Variants in DRP2 observed in about 807,000 individuals in gnomAD.
The protein encoded by DRP2 is dystrophin-related protein 2.
Under a neutral mutation model 78.2 loss-of-function variants are expected in DRP2, and 29 were observed. The ratio of observed to expected loss-of-function variants is 0.37; its 90% CI spans 0.28 to 0.51. The LOEUF is 0.51. Ranked by LOEUF, DRP2 falls within the 20% of genes least tolerant of loss-of-function variation. DRP2 has a pLI of 0.94. For missense variants in DRP2, 686 were observed against 770.6 expected, an observed-to-expected ratio of 0.89 and a Z score of 1.30; for synonymous variants, 290 against 281.9, an observed-to-expected ratio of 1.03 and a Z score of -0.29.
At chrX:101,257,559 G>C (rs1452717319) in intron 21 of DRP2, among the ~76,000 whole-genome samples, 1 of 109,430 alleles carries the variant, frequency 9.1e-6, no homozygotes, top group African/African-American at 3.3e-5. Flanking sequence ...CAGTTTGAGT[G>C]TTGTTGAACT....
chrX:101,254,281 A>C, intron 17 of DRP2, 144 bp from the exon 18 acceptor site: 1 of 782,409 alleles, frequency 1.3e-6, no homozygotes, highest in Non-Finnish European at 1.8e-6. Flanking sequence ...ATATCCTCCC[A>C]GACCTTCTTC....
At position 101,233,092 on chromosome X, in the gene DRP2, T is replaced by C. The variant is rs749094263; in HGVS notation, c.117+1328T>C. On this transcript the variant is annotated intron_variant, in intron 3 of 23. Coordinates refer to ENST00000395209, the MANE Select transcript of DRP2 (RefSeq NM_001939.3). The stretch of plus-strand genomic sequence containing the variant: ...GGGAAGGAGAAAGAAATGTGCCTAT[T>C]GTGTGCCTGGCTCTGCTAGGTGTGA... Among the ~76,000 whole-genome samples the C allele has an allele frequency of 4.5e-5, 5 of 111,922 alleles. No individual in the cohort carries two copies. In the East Asian group the frequency reaches 1.4e-3, roughly 32 times the overall value.
chrX:101,254,280 C>A, intron 17 of DRP2, 145 bp from the exon 18 acceptor site: 2 of 774,238 alleles, frequency 2.6e-6, no homozygotes, highest in South Asian at 2.8e-5. Flanking sequence ...TATATCCTCC[C>A]AGACCTTCTT....
At chrX:101,247,635 G>C (rs1007575558) in intron 12 of DRP2, among the ~76,000 whole-genome samples, 15 of 111,704 alleles carry the variant, frequency 1.3e-4, no homozygotes, top group African/African-American at 2.9e-4. Context: ...GCCAGCATTT[G>C]GGGGTAATTA....
chrX:101,235,339 G>A (rs1309624796), intron 3 of DRP2, among the ~76,000 whole-genome samples: 1 of 112,228 alleles, frequency 8.9e-6, no homozygotes, highest in Non-Finnish European at 1.9e-5. Context: ...AGTAAGACGT[G>A]GACCACTGAT....
chrX:101,243,028 T>C (rs1461818203), intron 9 of DRP2, 46 bp downstream of exon 9: 4 of 1,140,414 alleles, frequency 3.5e-6, no homozygotes, highest in Admixed American at 2.2e-5. Context: ...CTCAGCCATC[T>C]TCCTGGAGAG....
At chrX:101,240,358 C>T (rs1056692668) in intron 6 of DRP2, among the ~76,000 whole-genome samples, 14 of 112,083 alleles carry the variant, frequency 1.2e-4, no homozygotes, top group Non-Finnish European at 2.6e-4. Flanking sequence ...GCCTCAGCAT[C>T]CTGAGTAGCT....
intron 4 of DRP2, 142 bp from the exon 5 acceptor site, chrX:101,237,477 G>T: frequency 1.6e-6 from 1 of 622,787 alleles, no homozygotes; most frequent in Non-Finnish European, 2.2e-6. Context: ...GAGGACTCCA[G>T]GCCTCCTCCC....
intron 21 of DRP2, 37 bp downstream of exon 21, chrX:101,256,298 T>C: frequency 9.0e-7 from 1 of 1,115,819 alleles, no homozygotes; most frequent in East Asian, 3.2e-5. Flanking sequence ...TGTGGGTTCT[T>C]GAGGCAGACA....
At chrX:101,230,731 C>T (rs1602911090) in intron 2 of DRP2, among the ~76,000 whole-genome samples, 1 of 110,162 alleles carries the variant, frequency 9.1e-6, no homozygotes, top group East Asian at 2.9e-4. Flanking sequence ...ACACGGAACA[C>T]ACCATATATT....
rs1275350571 is a variant in DRP2, at chrX:101,241,863, G to C, written c.755G>C (p.Gly252Ala). The C allele has an allele frequency of 2.5e-6, 3 of 1,186,818 alleles. No individual in the cohort carries two copies. The highest frequency in any genetic ancestry group is 3.4e-6 in the Non-Finnish European group (3 of 883,181). Residue 252 changes from glycine to alanine, a missense_variant, in exon 7 of 24, where the codon GGA (glycine) becomes GCA (alanine). Around this residue, in one of 2 missense-constraint regions of DRP2, gnomAD observed 263 missense variants for 239.1 expected, o/e 1.10. Coordinates refer to ENST00000395209, the MANE Select transcript of DRP2 (RefSeq NM_001939.3). Reference sequence around the variant, plus strand: ...AGCACTACTCTGAGCCAAGCTGAGGGAGTCCGAGCCACTTGGGAGCCCATT... The same window carrying C: ...AGCACTACTCTGAGCCAAGCTGAGGCAGTCCGAGCCACTTGGGAGCCCATT... ...ELSTTLSQAE[G>A]VRATWEPIGD...
chrX:101,224,635 G>A lies in DRP2; in HGVS notation c.-135G>A, dbSNP rs946223499. 3 of 112,304 alleles carry A rather than the reference G, an allele frequency of 2.7e-5. No individual in the cohort carries two copies. The highest frequency in any genetic ancestry group is 3.8e-5 in the Non-Finnish European group (2 of 53,239). The allele number at this position is 112,304 out of a possible 1,213,427, so 9.3% of individuals were successfully genotyped here. On this transcript the variant is annotated 5_prime_UTR_variant, in exon 2 of 24. Transcript: ENST00000395209. ...AATATTCGCCGTGTGAGTGGCTATC[G>A]TAATAGATAACATTTGAATATCTAC...
intron 6 of DRP2, among the ~76,000 whole-genome samples, chrX:101,241,267 TACAC>T (rs918630625): frequency 2.2e-4 from 25 of 111,669 alleles, no homozygotes; most frequent in Non-Finnish European, 4.0e-4. Flanking sequence ...CACACACACA[TACAC>T]ACACGAATAC....
rs766810848 is a variant in DRP2 at position 101,231,632 on chromosome X, A to G, written c.-16A>G. On this transcript the variant is annotated 5_prime_UTR_variant, in exon 3 of 24. An upstream start codon of the reference 5' UTR is lost. Transcript: ENST00000395209. ...TGCACTGCCTATCCTCATCCCCCCC[A>G]TGAGCCTTGGTTTTTATGCAACCTA... 4 of 1,190,294 alleles carry G rather than the reference A, an allele frequency of 3.4e-6. No individual in the cohort carries two copies. Among genetic ancestry groups the G allele is most frequent in the Non-Finnish European group, 2.3e-6 (2 of 876,557 alleles).
chrX:101,254,983 G>A (rs1923286450), intron 19 of DRP2, 59 bp downstream of exon 19: 33 of 1,188,275 alleles, frequency 2.8e-5, no homozygotes, highest in Non-Finnish European at 3.5e-5. Flanking sequence ...GAGGGGAAAG[G>A]ATCTTCAGTC....
intron 14 of DRP2, among the ~76,000 whole-genome samples, chrX:101,249,162 T>A (rs1359343819): frequency 8.9e-6 from 1 of 112,372 alleles, no homozygotes; most frequent in African/African-American, 3.2e-5. Context: ...AATATGTGAC[T>A]GCTAAATGGG....
rs1922058231 is a variant in DRP2, at chrX:101,224,711, G to A, written c.-64+5G>A. ...TCCTCTCAACAAAGCTAAGAGGTAG[G>A]TCTTTTTGTTATCCCTGTTTCACAG... On this transcript the variant is annotated splice_donor_5th_base_variant and intron_variant, in intron 2 of 23. Transcript: ENST00000395209. The A allele has an allele frequency of 8.9e-6, 1 of 111,829 alleles. No individual in the cohort carries two copies. Among genetic ancestry groups the A allele is most frequent in the Admixed American group, 9.4e-5 (1 of 10,603 alleles). The allele number at this position is 111,829 out of a possible 1,213,427, so 9.2% of individuals were successfully genotyped here. A position where few individuals can be genotyped will look rare whatever the true frequency, so the allele number is the denominator to read the frequency against.
chrX:101,229,715 G>A (rs757287283), intron 2 of DRP2, among the ~76,000 whole-genome samples: 31 of 110,753 alleles, frequency 2.8e-4, no homozygotes, highest in African/African-American at 6.6e-4. Context: ...GCTCAGTTCC[G>A]GCCCTTTGAA....
At chrX:101,230,483 G>A (rs1206823309) in intron 2 of DRP2, among the ~76,000 whole-genome samples, 3 of 111,178 alleles carry the variant, frequency 2.7e-5, no homozygotes, top group Non-Finnish European at 5.7e-5. Context: ...CTGAGATCGC[G>A]CCACTGCACT....
Sources: gnomAD v4.1 joint callset for allele counts (sites outside exome capture counted in the v4.1 genomes callset) on GRCh38, gnomAD v4.1.1 for gene constraint, gnomAD v4.1.1 regional missense constraint, MANE v1.5 for transcripts, NCBI Gene and HGNC (gene_info 2026-07-23, HGNC 2026-07-21) for gene names.